GRIA3: variants seen among roughly 807,000 people sequenced by gnomAD.
GRIA3 encodes the protein glutamate receptor 3.
A neutral mutation model predicts 63.0 loss-of-function variants in GRIA3; 3 were observed. The ratio of observed to expected loss-of-function variants is 0.05; its 90% CI spans 0.02 to 0.12. GRIA3 has a LOEUF of 0.12. Ranked by LOEUF, GRIA3 falls within the 10% of genes least tolerant of loss-of-function variation. GRIA3 has a pLI of 1.00. For missense variants in GRIA3, 347 were observed against 700.9 expected, an observed-to-expected ratio of 0.50 and a Z score of 5.70; for synonymous variants, 274 against 257.9, an observed-to-expected ratio of 1.06 and a Z score of -0.60.
intron 3 of GRIA3, among the ~76,000 whole-genome samples, chrX:123,294,311 T>C (rs946752403): frequency 5.4e-5 from 6 of 111,108 alleles, no homozygotes; most frequent in African/African-American, 2.0e-4. Flanking sequence ...ACCATACTAA[T>C]CTTTGATGTG....
chrX:123,229,752 GAA>G (rs768953481), intron 2 of GRIA3, among the ~76,000 whole-genome samples: 2 of 112,231 alleles, frequency 1.8e-5, no homozygotes, highest in African/African-American at 6.5e-5. Flanking sequence ...GCTGGAGATA[GAA>G]GAGAGGGTCA....
intron 2 of GRIA3, among the ~76,000 whole-genome samples, chrX:123,212,183 G>C (rs1432785850): frequency 9.0e-6 from 1 of 111,683 alleles, no homozygotes; most frequent in African/African-American, 3.3e-5. Context: ...ATGAAAGTTT[G>C]TTCTAGGTAA....
intron 2 of GRIA3, among the ~76,000 whole-genome samples, chrX:123,217,377 T>A (rs1219134831): frequency 9.0e-6 from 1 of 111,569 alleles, no homozygotes; most frequent in African/African-American, 3.3e-5. Flanking sequence ...AAACTCCCTG[T>A]CCTCAGCATC....
At chrX:123,482,479 T>C (rs1337738159) in intron 14 of GRIA3, among the ~76,000 whole-genome samples, 1 of 111,908 alleles carries the variant, frequency 8.9e-6, no homozygotes, top group Non-Finnish European at 1.9e-5. Context: ...AGGAATAAAT[T>C]ATGCTTGTGT....
chrX:123,411,217 T>C (rs2045504054), intron 10 of GRIA3, among the ~76,000 whole-genome samples: 1 of 112,130 alleles, frequency 8.9e-6, no homozygotes, highest in Non-Finnish European at 1.9e-5. Flanking sequence ...CTGTGGTTGA[T>C]ACAGGGACAA....
At chrX:123,230,525 T>C (rs927072723) in intron 2 of GRIA3, among the ~76,000 whole-genome samples, 1 of 111,535 alleles carries the variant, frequency 9.0e-6, no homozygotes, top group Non-Finnish European at 1.9e-5. Flanking sequence ...GGGAGATATT[T>C]ATGGGCATAT....
chrX:123,381,279 G>A (rs1274371390), intron 5 of GRIA3, among the ~76,000 whole-genome samples: 1 of 111,451 alleles, frequency 9.0e-6, no homozygotes, highest in Non-Finnish European at 1.9e-5. Context: ...TCTGTACTAG[G>A]AGAAGGAAGA....
At chrX:123,192,526 C>T (rs1335739318) in intron 2 of GRIA3, among the ~76,000 whole-genome samples, 1 of 111,937 alleles carries the variant, frequency 8.9e-6, no homozygotes, top group Non-Finnish European at 1.9e-5. Flanking sequence ...CAAACATACA[C>T]TCTGGCCTCC....
At chrX:123,407,980 G>C (rs2147387183) in intron 10 of GRIA3, among the ~76,000 whole-genome samples, 1 of 110,580 alleles carries the variant, frequency 9.0e-6, no homozygotes, top group East Asian at 2.8e-4. Context: ...ATTTATTTTT[G>C]AGACAGAGTC....
chrX:123,450,232 G>A (rs1403954017), intron 12 of GRIA3, among the ~76,000 whole-genome samples: 1 of 112,253 alleles, frequency 8.9e-6, no homozygotes, highest in Non-Finnish European at 1.9e-5. Flanking sequence ...ACAAGCTAGT[G>A]AGTTATCATA....
At chrX:123,444,680 C>T (rs956845652) in intron 12 of GRIA3, among the ~76,000 whole-genome samples, 3 of 110,559 alleles carry the variant, frequency 2.7e-5, no homozygotes, top group Non-Finnish European at 5.7e-5. Context: ...TCTTTACCAG[C>T]GAGAGTTAGT....
At chrX:123,324,987 T>C (rs1487587980) in intron 3 of GRIA3, among the ~76,000 whole-genome samples, 1 of 112,242 alleles carries the variant, frequency 8.9e-6, no homozygotes, top group Non-Finnish European at 1.9e-5. Context: ...TCATTTTGGC[T>C]TTGCAAATCA....
intron 13 of GRIA3, among the ~76,000 whole-genome samples, chrX:123,474,341 C>T (rs1217180318): frequency 5.4e-5 from 6 of 112,113 alleles, no homozygotes; most frequent in African/African-American, 1.6e-4. Context: ...ATAAATTAAG[C>T]AGTTCTTTTG....
chrX:123,294,779 C>A (rs1209814544), intron 3 of GRIA3, among the ~76,000 whole-genome samples: 1 of 111,361 alleles, frequency 9.0e-6, no homozygotes, highest in Admixed American at 9.5e-5. Flanking sequence ...TTCTTACGTG[C>A]CTACAGCCTC....
intron 13 of GRIA3, among the ~76,000 whole-genome samples, chrX:123,469,204 GTC>G (rs776970938): frequency 2.7e-5 from 3 of 109,951 alleles, no homozygotes; most frequent in Non-Finnish European, 3.8e-5. Flanking sequence ...TTATCTTTCT[GTC>G]TCTCTCTCTC....
intron 7 of GRIA3, among the ~76,000 whole-genome samples, chrX:123,399,475 T>C (rs994446690): frequency 1.1e-4 from 12 of 112,039 alleles, no homozygotes; most frequent in African/African-American, 3.6e-4. Flanking sequence ...GGGTAGGAGA[T>C]CATTTAAGGC....
At chrX:123,317,277 A>T (rs1454148637) in intron 3 of GRIA3, among the ~76,000 whole-genome samples, 1 of 111,096 alleles carries the variant, frequency 9.0e-6, no homozygotes, top group African/African-American at 3.3e-5. Context: ...CAGCCAAACC[A>T]TATCATTCTG....
chrX:123,245,543 G>A (rs1376839474), intron 2 of GRIA3, among the ~76,000 whole-genome samples: 2 of 112,045 alleles, frequency 1.8e-5, no homozygotes, highest in Non-Finnish European at 3.8e-5. Context: ...TGAGGAGGTG[G>A]ACACAGAGGA....
intron 2 of GRIA3, among the ~76,000 whole-genome samples, chrX:123,209,120 G>A (rs998952235): frequency 1.8e-5 from 2 of 111,358 alleles, no homozygotes; most frequent in African/African-American, 6.5e-5. Flanking sequence ...AGGCCCTAGA[G>A]TGATAGTCTA....
Sources: gnomAD v4.1 joint callset for allele counts (sites outside exome capture counted in the v4.1 genomes callset) on GRCh38, gnomAD v4.1.1 for gene constraint, MANE v1.5 for transcripts, NCBI Gene and HGNC (gene_info 2026-07-23, HGNC 2026-07-21) for gene names.